COMMD10: variants seen among roughly 807,000 people sequenced by gnomAD.
The protein encoded by COMMD10 is COMM domain-containing protein 10.
A neutral mutation model predicts 28.9 loss-of-function variants in COMMD10; 33 were observed. The observed-to-expected ratio is 1.14, with a 90% confidence interval of 0.87 to 1.53. The LOEUF (loss-of-function observed/expected upper bound fraction) is 1.53. Among genes scored for constraint, COMMD10 ranks in the 40% most tolerant of loss-of-function variants. The pLI, the probability that COMMD10 is intolerant of heterozygous loss-of-function variation, is 0.00. For synonymous variants in COMMD10, 110 were observed against 81.7 expected (o/e 1.35, Z -1.87); for missense variants, 310 against 233.4 (o/e 1.33, Z -2.14).
At chr5:116,213,618 C>G (rs930153568) in intron 5 of COMMD10, among the ~76,000 whole-genome samples, 3 of 152,182 alleles carry the variant, frequency 2.0e-5, no homozygotes, top group Middle Eastern at 3.4e-3. Flanking sequence ...GGATTTATAA[C>G]CTGTTCAGAA....
At chr5:116,283,450 G>A (rs1751129079) in intron 5 of COMMD10, among the ~76,000 whole-genome samples, 1 of 151,238 alleles carries the variant, frequency 6.6e-6, no homozygotes, top group Non-Finnish European at 1.5e-5. Flanking sequence ...GGGTTCAAGC[G>A]ATTCTCCTGC....
chr5:116,112,958 C>T (rs561925253), intron 4 of COMMD10, among the ~76,000 whole-genome samples: 10 of 152,158 alleles, frequency 6.6e-5, no homozygotes, highest in Non-Finnish European at 1.3e-4. Flanking sequence ...AAATATTGTC[C>T]TGTCTCTTCC....
intron 5 of COMMD10, among the ~76,000 whole-genome samples, chr5:116,242,026 T>G (rs1749828830): frequency 6.6e-6 from 1 of 152,200 alleles, no homozygotes; most frequent in Non-Finnish European, 1.5e-5. Flanking sequence ...AAGGCAGACC[T>G]ATGTCACCTG....
intron 4 of COMMD10, among the ~76,000 whole-genome samples, chr5:116,109,210 T>C (rs1420728408): frequency 6.6e-6 from 1 of 152,228 alleles, no homozygotes; most frequent in East Asian, 1.9e-4. Context: ...TTCCATTTGT[T>C]TGTGTCGTGT....
chr5:116,268,212 C>T (rs1017026122), intron 5 of COMMD10, among the ~76,000 whole-genome samples: 1 of 151,728 alleles, frequency 6.6e-6, no homozygotes, highest in Non-Finnish European at 1.5e-5. Context: ...TGACAAAGGG[C>T]TAATATCCAG....
At chr5:116,290,149 T>G (rs1751326635) in intron 5 of COMMD10, among the ~76,000 whole-genome samples, 1 of 151,854 alleles carries the variant, frequency 6.6e-6, no homozygotes, top group African/African-American at 2.4e-5. Flanking sequence ...GAACTTGTCT[T>G]GCTTTTCTCA....
At chr5:116,190,723 C>A (rs1004277227) in intron 5 of COMMD10, among the ~76,000 whole-genome samples, 12 of 152,112 alleles carry the variant, frequency 7.9e-5, no homozygotes, top group African/African-American at 2.9e-4. Flanking sequence ...AAAATATTAA[C>A]AAGGAAAGCA....
intron 5 of COMMD10, among the ~76,000 whole-genome samples, chr5:116,207,910 G>A (rs1748856829): frequency 6.6e-6 from 1 of 152,124 alleles, no homozygotes; most frequent in South Asian, 2.1e-4. Flanking sequence ...AGACTACTAT[G>A]GGTAGGACAT....
At chr5:116,088,703 C>T (rs1184380370) in intron 2 of COMMD10, among the ~76,000 whole-genome samples, 1 of 152,166 alleles carries the variant, frequency 6.6e-6, no homozygotes, top group African/African-American at 2.4e-5. Flanking sequence ...TATAAATGTC[C>T]TTCTTCCCCT....
At chr5:116,119,548 G>A (rs1341551072) in intron 4 of COMMD10, among the ~76,000 whole-genome samples, 1 of 151,718 alleles carries the variant, frequency 6.6e-6, no homozygotes, top group African/African-American at 2.4e-5. Context: ...TCACTTCTGT[G>A]TTTTATAGGT....
chr5:116,092,452 T>G (rs1361681781), intron 3 of COMMD10, 93 bp from the exon 4 acceptor site: 6 of 876,750 alleles, frequency 6.8e-6, no homozygotes, highest in Non-Finnish European at 4.8e-6. Flanking sequence ...TCTTTTGACT[T>G]AAGTCATTTA....
rs375668756 is a variant in COMMD10 at position 116,100,019 on chromosome 5, A to T, written c.399+7319A>T. On this transcript the variant is annotated intron_variant, in intron 4 of 6. Coordinates refer to ENST00000274458, the MANE Select transcript of COMMD10 (RefSeq NM_016144.4). Reference sequence around the variant, plus strand: ...AAACACTGAATTCATTTATGTTTCAAATACACCTTATATACATAGCCTGAA... The same window carrying T: ...AAACACTGAATTCATTTATGTTTCATATACACCTTATATACATAGCCTGAA... 2.0e-5 allele frequency among the ~76,000 whole-genome samples: 3 copies of T among 152,296 alleles called. No homozygotes were observed. The East Asian group carries it at 5.8e-4, about 29-fold the overall frequency.
intron 5 of COMMD10, among the ~76,000 whole-genome samples, chr5:116,202,776 C>T (rs1416647899): frequency 2.0e-5 from 3 of 151,068 alleles, no homozygotes; most frequent in Non-Finnish European, 4.4e-5. Context: ...ATTGTAGATT[C>T]TGGATATTAG....
intron 5 of COMMD10, among the ~76,000 whole-genome samples, chr5:116,205,740 T>G (rs1399334717): frequency 6.6e-6 from 1 of 152,152 alleles, no homozygotes; most frequent in African/African-American, 2.4e-5. Context: ...ATGGCGCCTT[T>G]TAAGAAATAA....
At chr5:116,292,367 C>A in intron 6 of COMMD10, 84 bp from the exon 7 acceptor site, 1 of 811,214 alleles carries the variant, frequency 1.2e-6, no homozygotes, top group African/African-American at 1.8e-5. Flanking sequence ...TTTTTCCTTT[C>A]TATTTGCATG....
At chr5:116,095,508 C>T (rs1204107365) in intron 4 of COMMD10, among the ~76,000 whole-genome samples, 1 of 152,132 alleles carries the variant, frequency 6.6e-6, no homozygotes, top group Non-Finnish European at 1.5e-5. Context: ...AGTCAAGGAG[C>T]ATCTGTATAT....
At chr5:116,205,420 A>G (rs545390075) in intron 5 of COMMD10, among the ~76,000 whole-genome samples, 34 of 152,218 alleles carry the variant, frequency 2.2e-4, no homozygotes, top group Admixed American at 2.1e-3. Flanking sequence ...TTCTGAAAGC[A>G]GTAATCATTC....
In COMMD10 at chr5:116,293,256, AT is replaced by A. The variant is rs1432944614; in HGVS notation, c.*770del. The A allele has an allele frequency of 5.7e-6, 2 of 351,958 alleles. No individual in the cohort carries two copies. The highest frequency in any genetic ancestry group is 9.3e-5 in the Admixed American group (2 of 21,442). The allele number at this position is 351,958 out of a possible 1,614,324, so 21.8% of individuals were successfully genotyped here. On this transcript the variant is annotated 3_prime_UTR_variant, in exon 7 of 7. Coordinates refer to ENST00000274458, the MANE Select transcript of COMMD10 (RefSeq NM_016144.4). Reference sequence around the variant, plus strand: ...ATATTCTCTTTCCATAAATACGTTGATTTCTGTCAATAAAATTTTTGTGTCT... The same window carrying A: ...ATATTCTCTTTCCATAAATACGTTGATTCTGTCAATAAAATTTTTGTGTCT...
At chr5:116,140,201 T>C (rs1404265226) in intron 5 of COMMD10, among the ~76,000 whole-genome samples, 1 of 147,794 alleles carries the variant, frequency 6.8e-6, no homozygotes, top group Non-Finnish European at 1.5e-5. Context: ...AATGGCACTA[T>C]ATCCTTTTTC....
Sources: allele counts gnomAD v4.1 joint callset (sites outside exome capture counted in the v4.1 genomes callset), GRCh38; gene constraint gnomAD v4.1.1; transcripts MANE v1.5; gene names NCBI Gene and HGNC (gene_info 2026-07-23, HGNC 2026-07-21).